SLCO3A1: variants seen among roughly 807,000 people sequenced by gnomAD.
SLCO3A1 encodes PGE1 transporter.
SLCO3A1 carries 27 observed loss-of-function variants against 63.1 expected under a neutral mutation model. The observed-to-expected ratio is 0.43, with a 90% CI of 0.32 to 0.59. SLCO3A1 has a LOEUF of 0.59. Among genes scored for constraint, SLCO3A1 ranks in the 20% least tolerant of loss-of-function variants. The pLI is 0.09. For synonymous variants in SLCO3A1, 473 were observed against 409.9 expected (o/e 1.15, Z -1.86); for missense variants, 773 against 945.8 (o/e 0.82, Z 2.40).
chr15:92,063,527 C>T (rs1393548751), intron 2 of SLCO3A1, among the ~76,000 whole-genome samples: 4 of 152,164 alleles, frequency 2.6e-5, no homozygotes, highest in African/African-American at 9.7e-5. Context: ...TAGTTAAACT[C>T]CACCTGCAGT....
chr15:92,040,275 T>A (rs1175453273), intron 2 of SLCO3A1, among the ~76,000 whole-genome samples: 1 of 152,232 alleles, frequency 6.6e-6, no homozygotes, highest in Non-Finnish European at 1.5e-5. Context: ...TAATTTTGCA[T>A]CTGTCACCTT....
chr15:91,975,704 C>A (rs938447689), intron 2 of SLCO3A1, among the ~76,000 whole-genome samples: 1 of 152,238 alleles, frequency 6.6e-6, no homozygotes, highest in Non-Finnish European at 1.5e-5. Flanking sequence ...CTAGCACAGC[C>A]TCCTCCTTCC....
At chr15:91,935,926 A>C (rs769672894) in intron 2 of SLCO3A1, among the ~76,000 whole-genome samples, 10 of 152,198 alleles carry the variant, frequency 6.6e-5, no homozygotes, top group Non-Finnish European at 1.5e-4. Context: ...TATAAGACCT[A>C]ATTATTAAAG....
intron 2 of SLCO3A1, among the ~76,000 whole-genome samples, chr15:92,049,587 C>T (rs532653511): frequency 2.0e-5 from 3 of 152,330 alleles, no homozygotes; most frequent in East Asian, 1.9e-4. Flanking sequence ...TGGGCAGACA[C>T]ATCTGTTTCT....
Position 92,012,723 on chromosome 15 carries a change from T to A in SLCO3A1, c.647-82158T>A, listed in dbSNP as rs2046382029. On this transcript the variant is annotated intron_variant, in intron 2 of 9. Transcript: ENST00000318445. ...TTCAAGGTCAGCCTGGGCAACATGA[T>A]GAAATGCTGTCTCTAATTTAAAAAA... is the stretch of plus-strand genomic sequence containing the variant. Among the ~76,000 whole-genome samples the A allele has an allele frequency of 4.6e-5, 6 of 130,534 alleles. No individual in the cohort carries two copies. In the Admixed American group the frequency reaches 5.2e-4, roughly 11 times the overall value. The allele number at this position is 130,534 out of a possible 152,430, so 85.6% of individuals were successfully genotyped here.
chr15:92,116,547 A>G (rs1440859007), intron 4 of SLCO3A1, among the ~76,000 whole-genome samples: 1 of 152,162 alleles, frequency 6.6e-6, no homozygotes, highest in Non-Finnish European at 1.5e-5. Flanking sequence ...TGGCTAAGAG[A>G]GTCTGCAGGT....
rs147979879 is a variant in SLCO3A1, at chr15:92,100,495, T to C, written c.746-3784T>C. Reference sequence around the variant, plus strand: ...AATGCATCTAAGTAAATGAGACAGATTGGTGCTTTCAGTTTTGTTCTGGGC... The same window carrying C: ...AATGCATCTAAGTAAATGAGACAGACTGGTGCTTTCAGTTTTGTTCTGGGC... On this transcript the variant is annotated intron_variant, in intron 3 of 9. Transcript: ENST00000318445. Among the ~76,000 whole-genome samples the C allele has an allele frequency of 2.4e-4, 37 of 152,370 alleles. 1 individual carries two copies. Among genetic ancestry groups the C allele is most frequent in the Admixed American group, 1.6e-3 (25 of 15,312 alleles).
In SLCO3A1 at chr15:91,872,449, T is replaced by A. The variant is rs1429397759; in HGVS notation, c.180+18361T>A. Among the ~76,000 whole-genome samples the A allele has an allele frequency of 6.6e-6, 1 of 151,874 alleles. No homozygotes were observed. Among genetic ancestry groups the A allele is most frequent in the African/African-American group, 2.4e-5 (1 of 41,328 alleles). ...CGGCGGGCTGAGGTAGGAGAATCAC[T>A]TGAACCCGGGAGGCGGATAGGTTGC... On this transcript the variant is annotated intron_variant, in intron 1 of 9. Transcript: ENST00000318445. The surrounding 1 kb of genome is among the most constrained non-coding windows in gnomAD (Gnocchi z 4.1).
chr15:92,160,218 C>T (rs557119379), intron 9 of SLCO3A1, among the ~76,000 whole-genome samples: 7 of 152,242 alleles, frequency 4.6e-5, no homozygotes, highest in Non-Finnish European at 8.8e-5. Flanking sequence ...TTGCTTTGCC[C>T]TGCTGTGCCA....
At chr15:92,034,833 C>T (rs28538166) in intron 2 of SLCO3A1, among the ~76,000 whole-genome samples, 8,881 of 151,938 alleles carry the variant, frequency 0.058, 769 homozygotes, top group African/African-American at 0.18. Flanking sequence ...GTGAAAATAA[C>T]GCTTCCATGT....
rs74028349 is a variant in SLCO3A1, at chr15:91,886,365, G to C, written c.181-29628G>C. 0.065 allele frequency among the ~76,000 whole-genome samples: 9,844 copies of C among 152,130 alleles called. 625 individuals carry two copies. Among genetic ancestry groups the C allele is most frequent in the African/African-American group, 0.16 (6,459 of 41,454 alleles). Reference sequence around the variant, plus strand: ...TCCTTCAAGTCCTCCTTTTAGGCAAGAGCTGCCTCCTATGAGCCCCTGGCC... The same window carrying C: ...TCCTTCAAGTCCTCCTTTTAGGCAACAGCTGCCTCCTATGAGCCCCTGGCC... On this transcript the variant is annotated intron_variant, in intron 1 of 9. Transcript: ENST00000318445. This position sits in a 1 kb window ranked among gnomAD's most constrained non-coding sequence, Gnocchi z 4.9.
chr15:92,140,553 G>C (rs947435142), intron 7 of SLCO3A1, among the ~76,000 whole-genome samples: 1 of 152,116 alleles, frequency 6.6e-6, no homozygotes, highest in Admixed American at 6.6e-5. Context: ...CTGTCTCGTT[G>C]ATCAGTCTAA....
chr15:91,997,061 G>C (rs140718936), intron 2 of SLCO3A1, among the ~76,000 whole-genome samples: 158 of 152,282 alleles, frequency 1.0e-3, no homozygotes, highest in African/African-American at 3.6e-3. Context: ...AAGTCCAGCT[G>C]TCTCTCTTCA....
chr15:92,119,524 A>G (rs1347149250), intron 4 of SLCO3A1, among the ~76,000 whole-genome samples: 1 of 152,162 alleles, frequency 6.6e-6, no homozygotes, highest in African/African-American at 2.4e-5. Flanking sequence ...GCTAAGGAGA[A>G]GGAAACACAT....
intron 2 of SLCO3A1, among the ~76,000 whole-genome samples, chr15:91,984,468 A>G (rs1395004764): frequency 3.9e-5 from 6 of 152,208 alleles, no homozygotes; most frequent in African/African-American, 1.2e-4. Flanking sequence ...ATTTATGCAC[A>G]TACATTCAGA....
chr15:91,954,480 A>G lies in SLCO3A1; in HGVS notation c.646+38022A>G, dbSNP rs2151414554. On this transcript the variant is annotated intron_variant, in intron 2 of 9. Coordinates refer to ENST00000318445, the MANE Select transcript of SLCO3A1 (RefSeq NM_013272.4). This position sits in a 1 kb window ranked among gnomAD's most constrained non-coding sequence, Gnocchi z 4.7. ...TCAATAAATTGTTGCAGAAGCAAAT[A>G]TTTACCTCACCACTGGGAGAGGGCT... is the stretch of plus-strand genomic sequence containing the variant. Among the ~76,000 whole-genome samples the G allele has an allele frequency of 6.6e-6, 1 of 152,234 alleles. No homozygotes were observed. The highest frequency in any genetic ancestry group is 2.1e-4 in the South Asian group (1 of 4,826).
At chr15:91,881,744 C>A (rs1257602759) in intron 1 of SLCO3A1, among the ~76,000 whole-genome samples, 2 of 152,154 alleles carry the variant, frequency 1.3e-5, no homozygotes, top group African/African-American at 4.8e-5. Context: ...GGTAAATAAG[C>A]AACATGCCGA....
intron 2 of SLCO3A1, among the ~76,000 whole-genome samples, chr15:91,959,171 G>A (rs1027862170): frequency 2.6e-5 from 4 of 152,130 alleles, no homozygotes; most frequent in African/African-American, 9.7e-5. Flanking sequence ...GCTCAGGAGT[G>A]GAAAACCAAA....
At chr15:92,007,402 C>G (rs986942266) in intron 2 of SLCO3A1, among the ~76,000 whole-genome samples, 3 of 152,088 alleles carry the variant, frequency 2.0e-5, no homozygotes, top group African/African-American at 7.2e-5. Context: ...TCCTCTCTTA[C>G]GTTGAATCGG....
Sources: allele counts gnomAD v4.1 joint callset (sites outside exome capture counted in the v4.1 genomes callset), GRCh38; gene constraint gnomAD v4.1.1; non-coding constraint Gnocchi (gnomAD v3.1); transcripts MANE v1.5; gene names NCBI Gene and HGNC (gene_info 2026-07-23, HGNC 2026-07-21).